Variants in BTBD9 observed in about 807,000 individuals in gnomAD.
BTBD9 encodes BTB/POZ domain-containing protein 9.
Under a neutral mutation model 64.3 loss-of-function variants are expected in BTBD9, and 49 were observed. That is an observed-to-expected ratio of 0.76 (90% CI 0.61 to 0.97). BTBD9 has a LOEUF of 0.97. Ranked by LOEUF, BTBD9 falls within the 50% of genes least tolerant of loss-of-function variation. The pLI, the probability that BTBD9 is intolerant of heterozygous loss-of-function variation, is 0.00. For synonymous variants in BTBD9, 260 were observed against 274.7 expected, an observed-to-expected ratio of 0.95 and a Z score of 0.53; for missense variants, 598 against 762.1, an observed-to-expected ratio of 0.78 and a Z score of 2.53.
intron 1 of BTBD9, among the ~76,000 whole-genome samples, chr6:38,636,759 T>G (rs2127537449): frequency 6.6e-6 from 1 of 152,282 alleles, no homozygotes; most frequent in Non-Finnish European, 1.5e-5. Context: ...CTAGACTTTT[T>G]AGGATGAAGT....
chr6:38,444,978 T>A (rs1188402309), intron 6 of BTBD9, among the ~76,000 whole-genome samples: 1 of 152,234 alleles, frequency 6.6e-6, no homozygotes, highest in African/African-American at 2.4e-5. Context: ...TTCCTATTCC[T>A]CTTTGGCTGG....
At chr6:38,335,649 T>G (rs1562041478) in intron 7 of BTBD9, among the ~76,000 whole-genome samples, 2 of 152,036 alleles carry the variant, frequency 1.3e-5, no homozygotes, top group Non-Finnish European at 2.9e-5. Flanking sequence ...CACTGCAACC[T>G]CTGCCTCTCA....
rs1319560791 is a variant in BTBD9 at position 38,192,565 on chromosome 6, G to C, written c.1595C>G (p.Pro532Arg). ...SWQSVTFERQ[P>R]ASFIRIVGTH... Reference sequence around the variant, plus strand: ...CCCAACGATACGGATGAAGGAGGCAGGCTGCCTTTCAAAAGTTACTGACTG... The same window carrying C: ...CCCAACGATACGGATGAAGGAGGCACGCTGCCTTTCAAAAGTTACTGACTG... The change falls in exon 10 of 11, where the codon CCT (proline) becomes CGT (arginine). Residue 532 changes from proline (P) to arginine (R), a missense_variant. By Grantham distance (103) the Pro-to-Arg change is moderately radical. Transcript: ENST00000481247. The C allele has an allele frequency of 6.2e-6, 10 of 1,613,812 alleles. No individual in the cohort carries two copies. The highest frequency in any genetic ancestry group is 8.5e-6 in the Non-Finnish European group (10 of 1,179,954).
intron 7 of BTBD9, among the ~76,000 whole-genome samples, chr6:38,334,664 CAAAACA>C (rs1310423747): frequency 2.7e-5 from 4 of 150,694 alleles, no homozygotes; most frequent in Non-Finnish European, 4.4e-5. Flanking sequence ...TAAAACAAAA[CAAAACA>C]AAACAAAACA....
intron 6 of BTBD9, chr6:38,504,484 C>T: frequency 2.2e-6 from 1 of 453,962 alleles, no homozygotes. Flanking sequence ...TAGACCACAT[C>T]TCCTCTTACC....
At chr6:38,324,317 G>C (rs183498188) in intron 7 of BTBD9, among the ~76,000 whole-genome samples, 2 of 152,046 alleles carry the variant, frequency 1.3e-5, no homozygotes, top group East Asian at 3.8e-4. Context: ...TCTAAAATAC[G>C]CATTAGCCAA....
At chr6:38,281,902 T>A (rs899753692) in intron 8 of BTBD9, among the ~76,000 whole-genome samples, 1 of 152,178 alleles carries the variant, frequency 6.6e-6, no homozygotes, top group Non-Finnish European at 1.5e-5. Flanking sequence ...ATGTAAAAAT[T>A]GTTAATTTAA....
intron 7 of BTBD9, among the ~76,000 whole-genome samples, chr6:38,342,607 T>A (rs551216747): frequency 5.9e-5 from 9 of 152,106 alleles, no homozygotes; most frequent in African/African-American, 2.2e-4. Flanking sequence ...TTAGTTTTAC[T>A]TTTTTTCCCC....
chr6:38,421,080 G>T (rs1362391489), intron 6 of BTBD9, among the ~76,000 whole-genome samples: 5 of 89,420 alleles, frequency 5.6e-5, no homozygotes, highest in Non-Finnish European at 1.3e-4. Flanking sequence ...TATAGGGCTG[G>T]ACACAGTGGC....
At chr6:38,365,772 A>AAAAC (rs1230991333) in intron 6 of BTBD9, among the ~76,000 whole-genome samples, 1 of 151,930 alleles carries the variant, frequency 6.6e-6, no homozygotes, top group Non-Finnish European at 1.5e-5. Context: ...AAAAAAAAAA[A>AAAAC]AAACATACTG....
At chr6:38,511,274 T>C (rs1455326924) in intron 6 of BTBD9, among the ~76,000 whole-genome samples, 4 of 152,130 alleles carry the variant, frequency 2.6e-5, no homozygotes, top group African/African-American at 7.2e-5. Context: ...TTACAAAATA[T>C]TGTCTGAATT....
chr6:38,183,435 G>A (rs552637302), intron 10 of BTBD9, among the ~76,000 whole-genome samples: 18 of 152,306 alleles, frequency 1.2e-4, no homozygotes, highest in African/African-American at 4.3e-4. Context: ...GGGCCACACA[G>A]CTGGCTGGAG....
At chr6:38,482,995 T>C (rs1400827980) in intron 6 of BTBD9, among the ~76,000 whole-genome samples, 1 of 152,000 alleles carries the variant, frequency 6.6e-6, no homozygotes, top group African/African-American at 2.4e-5. Context: ...CCAGCCCCTC[T>C]CCCATAATGA....
chr6:38,279,836 G>A (rs897202252), intron 8 of BTBD9, among the ~76,000 whole-genome samples: 6 of 152,136 alleles, frequency 3.9e-5, no homozygotes, highest in East Asian at 1.9e-4. Flanking sequence ...AGATGGGGCC[G>A]AAATCCTCTG....
intron 9 of BTBD9, among the ~76,000 whole-genome samples, chr6:38,212,082 C>T (rs1290114364): frequency 2.0e-5 from 3 of 152,144 alleles, no homozygotes; most frequent in African/African-American, 7.2e-5. Flanking sequence ...TTAACGTGGT[C>T]CCAGGAGAGG....
chr6:38,261,933 C>CA (rs1764807507), intron 8 of BTBD9, among the ~76,000 whole-genome samples: 1 of 152,164 alleles, frequency 6.6e-6, no homozygotes, highest in Non-Finnish European at 1.5e-5. Flanking sequence ...CTAGGATGCA[C>CA]ATTTGCTTGG....
chr6:38,262,804 T>C (rs1764839832), intron 8 of BTBD9, among the ~76,000 whole-genome samples: 1 of 152,230 alleles, frequency 6.6e-6, no homozygotes, highest in Non-Finnish European at 1.5e-5. Flanking sequence ...AACTATGTTG[T>C]GCTGAATGGC....
At chr6:38,193,269 C>T (rs564383625) in intron 9 of BTBD9, among the ~76,000 whole-genome samples, 2 of 152,226 alleles carry the variant, frequency 1.3e-5, no homozygotes, top group African/African-American at 4.8e-5. Flanking sequence ...AGAGGGCAGG[C>T]ATGCAGGAGG....
intron 6 of BTBD9, among the ~76,000 whole-genome samples, chr6:38,562,476 A>AT (rs1562343020): frequency 6.6e-6 from 1 of 152,142 alleles, no homozygotes; most frequent in East Asian, 1.9e-4. Flanking sequence ...CTCCCTATTT[A>AT]TTTTTTAAAA....
Sources: allele counts gnomAD v4.1 joint callset (sites outside exome capture counted in the v4.1 genomes callset), GRCh38; gene constraint gnomAD v4.1.1; transcripts MANE v1.5; gene names NCBI Gene and HGNC (gene_info 2026-07-23, HGNC 2026-07-21).